EFL1: variants seen among roughly 807,000 people sequenced by gnomAD.
The protein encoded by EFL1 is elongation factor like GTPase 1.
Under a neutral mutation model 126.7 loss-of-function variants are expected in EFL1, and 76 were observed. That is an observed-to-expected ratio of 0.60 (90% CI 0.50 to 0.73). EFL1 has a LOEUF of 0.73. Ranked by LOEUF, EFL1 falls within the 30% of genes least tolerant of loss-of-function variation. EFL1 has a pLI of 0.00. For missense variants in EFL1, 1,128 were observed against 1,343.2 expected (o/e 0.84, Z 2.50); for synonymous variants, 410 against 448.4 (o/e 0.91, Z 1.08).
At chr15:82,259,221 T>C (rs1346960078) in intron 2 of EFL1, 66 bp from the exon 3 acceptor site, 7 of 1,390,248 alleles carry the variant, frequency 5.0e-6, no homozygotes, top group Middle Eastern at 1.8e-4. Flanking sequence ...ATCATACCTA[T>C]AGATTTAAAA....
Position 82,192,955 on chromosome 15 carries a change from G to A in EFL1, c.1750+21762C>T, listed in dbSNP as rs8035645. On this transcript the variant is annotated intron_variant, in intron 15 of 19. Coordinates refer to ENST00000268206, the MANE Select transcript of EFL1 (RefSeq NM_024580.6). Reference sequence around the variant, plus strand: ...GGCTATAAGGTGATTTGTGATCAACGGTTATGTCAGAGAAGTGGTGGCAAA... The same window carrying A: ...GGCTATAAGGTGATTTGTGATCAACAGTTATGTCAGAGAAGTGGTGGCAAA... Among the ~76,000 whole-genome samples the A allele has an allele frequency of 8.0e-3, 1,221 of 152,200 alleles. 16 individuals carry two copies. The highest frequency in any genetic ancestry group is 0.028 in the African/African-American group (1,155 of 41,502).
intron 15 of EFL1, among the ~76,000 whole-genome samples, chr15:82,194,351 T>C (rs766327206): frequency 1.5e-4 from 23 of 152,210 alleles, no homozygotes; most frequent in Non-Finnish European, 3.2e-4. Context: ...GACACAAAAA[T>C]GAATCCGGCG....
chr15:82,171,295 C>T (rs886966578), intron 15 of EFL1, among the ~76,000 whole-genome samples: 2 of 152,172 alleles, frequency 1.3e-5, no homozygotes, highest in African/African-American at 4.8e-5. Flanking sequence ...GTTCATAACT[C>T]TCTTCTTGAG....
At chr15:82,161,828 C>T (rs1054525719) in intron 16 of EFL1, among the ~76,000 whole-genome samples, 5 of 152,188 alleles carry the variant, frequency 3.3e-5, no homozygotes, top group African/African-American at 1.2e-4. Flanking sequence ...ACAGGAAATA[C>T]ACTAGGTACT....
chr15:82,204,498 C>T (rs2074503979), intron 15 of EFL1, among the ~76,000 whole-genome samples: 2 of 152,178 alleles, frequency 1.3e-5, no homozygotes, highest in African/African-American at 4.8e-5. Flanking sequence ...CTTCAAAGCC[C>T]TTTTGACAAT....
At position 82,262,606 on chromosome 15, in the gene EFL1, A is replaced by C. The variant is rs1325188129; in HGVS notation, c.-20+8T>G. On this transcript the variant is annotated splice_region_variant and intron_variant, in intron 1 of 19. Transcript: ENST00000268206. ...AGGTTCCAGCCCCCAGCGCCAGCCC[A>C]CACTCACCGGCTGCAGCAGCCCCAC... is the stretch of plus-strand genomic sequence containing the variant. The C allele has an allele frequency of 2.3e-5, 9 of 389,708 alleles. No individual in the cohort carries two copies. The highest frequency in any genetic ancestry group is 4.1e-5 in the Non-Finnish European group (9 of 217,162). 24.1% of individuals were successfully genotyped at this position (389,708 alleles called of 1,614,324 possible).
chr15:82,211,544 C>CTA (rs1390145030), intron 15 of EFL1, among the ~76,000 whole-genome samples: 4 of 70,726 alleles, frequency 5.7e-5, no homozygotes, highest in South Asian at 4.3e-4. Flanking sequence ...AAAAAAAAAT[C>CTA]TATATACACA....
At chr15:82,206,554 G>C (rs1364159314) in intron 15 of EFL1, among the ~76,000 whole-genome samples, 1 of 152,082 alleles carries the variant, frequency 6.6e-6, no homozygotes, top group Non-Finnish European at 1.5e-5. Flanking sequence ...GAATAAAGAA[G>C]ATAATCACTT....
chr15:82,226,255 G>A (rs1268323110), intron 11 of EFL1, among the ~76,000 whole-genome samples: 4 of 152,050 alleles, frequency 2.6e-5, no homozygotes, highest in African/African-American at 9.7e-5. Flanking sequence ...TGCAACCTCC[G>A]CCTCCCAGGT....
intron 18 of EFL1, among the ~76,000 whole-genome samples, chr15:82,149,702 A>G (rs1225920443): frequency 6.6e-6 from 1 of 152,266 alleles, no homozygotes; most frequent in African/African-American, 2.4e-5. Context: ...ATATAAAACT[A>G]GAAAACTAAT....
intron 6 of EFL1, among the ~76,000 whole-genome samples, chr15:82,239,687 T>C (rs2074911289): frequency 6.6e-6 from 1 of 152,212 alleles, no homozygotes; most frequent in Non-Finnish European, 1.5e-5. Context: ...TAAAAAACAA[T>C]TTGCAGTTCC....
At chr15:82,188,272 T>C (rs181716231) in intron 15 of EFL1, among the ~76,000 whole-genome samples, 7 of 152,276 alleles carry the variant, frequency 4.6e-5, no homozygotes, top group Admixed American at 4.6e-4. Context: ...GTCATTGTCT[T>C]TTAATTAAGT....
chr15:82,189,732 A>AAC (rs201256115), intron 15 of EFL1, among the ~76,000 whole-genome samples: 38 of 151,778 alleles, frequency 2.5e-4, no homozygotes, highest in South Asian at 4.2e-4. Flanking sequence ...TCCCAGTATA[A>AAC]ACACACACAC....
chr15:82,209,322 C>G lies in EFL1; in HGVS notation c.1750+5395G>C, dbSNP rs976070131. The stretch of plus-strand genomic sequence containing the variant: ...GGATTCACACACAGACACAGACACA[C>G]ACACACACACACACACACACACACA... On this transcript the variant is annotated intron_variant, in intron 15 of 19. Transcript: ENST00000268206. 6.4e-5 allele frequency among the ~76,000 whole-genome samples: 4 copies of G among 62,992 alleles called. No homozygotes were observed. In the South Asian group the frequency reaches 8.9e-4, roughly 14 times the overall value. 41.3% of individuals were successfully genotyped at this position (62,992 alleles called of 152,430 possible).
At chr15:82,179,595 T>C (rs2074228840) in intron 15 of EFL1, among the ~76,000 whole-genome samples, 1 of 152,066 alleles carries the variant, frequency 6.6e-6, no homozygotes, top group Non-Finnish European at 1.5e-5. Flanking sequence ...CCTCAGTATC[T>C]CCCAGATAAG....
intron 10 of EFL1, among the ~76,000 whole-genome samples, 165 bp downstream of exon 10, chr15:82,228,026 T>A (rs1243476660): frequency 1.3e-5 from 2 of 152,242 alleles, no homozygotes; most frequent in Non-Finnish European, 2.9e-5. Flanking sequence ...AGTGTATTAA[T>A]TATCAAAGTA....
intron 19 of EFL1, among the ~76,000 whole-genome samples, chr15:82,132,723 T>TGGATGGAATTTAGACGAGGAAC (rs1182160591): frequency 7.9e-6 from 1 of 126,700 alleles, no homozygotes; most frequent in Non-Finnish European, 1.7e-5. Flanking sequence ...CAAGGGCGAA[T>TGGATGGAATTTAGACGAGGAAC]GGATGGAATT....
Position 82,151,700 on chromosome 15 carries a change from A to C in EFL1, c.2754T>G (p.Asn918Lys). The change falls in exon 18 of 20, where the codon AAT becomes AAG. Residue 918 changes from asparagine to lysine, a missense_variant. Transcript: ENST00000268206. ...TTTCATTTCCACCAGAACAGGTTTC[A>C]TTTTCCTCCTGTCCCTCTTTTGCCA... ...SDLAKEGQEENETCSGGNENQ... is the reference protein window; with the variant it reads ...SDLAKEGQEEKETCSGGNENQ... The C allele has an allele frequency of 6.2e-7, 1 of 1,614,024 alleles. No individual in the cohort carries two copies. Among genetic ancestry groups the C allele is most frequent in the Non-Finnish European group, 8.5e-7 (1 of 1,180,026 alleles).
chr15:82,235,038 TAAG>T, intron 7 of EFL1, among the ~76,000 whole-genome samples: 1 of 152,058 alleles, frequency 6.6e-6, no homozygotes, highest in East Asian at 1.9e-4. Flanking sequence ...GGAGAGGCAA[TAAG>T]AAGAAATAAG....
Sources: gnomAD v4.1 joint callset for allele counts (sites outside exome capture counted in the v4.1 genomes callset) on GRCh38, gnomAD v4.1.1 for gene constraint, MANE v1.5 for transcripts, NCBI Gene and HGNC (gene_info 2026-07-23, HGNC 2026-07-21) for gene names.